The following DCBLD2 variants were observed in gnomAD, a reference collection of about 807,000 sequenced individuals.
The protein encoded by DCBLD2 is discoidin, CUB and LCCL domain-containing protein 2.
In DCBLD2, 54 loss-of-function variants were observed where a neutral mutation model predicts 86.8. That is an observed-to-expected ratio of 0.62 (90% CI 0.50 to 0.78). DCBLD2 has a LOEUF of 0.78. Among genes scored for constraint, DCBLD2 ranks in the 30% least tolerant of loss-of-function variants. The pLI, the probability that DCBLD2 is intolerant of heterozygous loss-of-function variation, is 0.00. For missense variants in DCBLD2, 908 were observed against 954.2 expected (o/e 0.95, Z 0.64); for synonymous variants, 354 against 341.3 (o/e 1.04, Z -0.41).
chr3:98,899,265 T>C (rs1186941101), intron 1 of DCBLD2, among the ~76,000 whole-genome samples: 11 of 147,256 alleles, frequency 7.5e-5, no homozygotes, highest in Non-Finnish European at 6.0e-5. Context: ...TTTTTCTTTT[T>C]TTTTTTTTTT....
At chr3:98,884,242 T>C (rs1181404186) in intron 1 of DCBLD2, among the ~76,000 whole-genome samples, 1 of 152,090 alleles carries the variant, frequency 6.6e-6, no homozygotes, top group African/African-American at 2.4e-5. Flanking sequence ...ACATTAAATT[T>C]TAGCTATCTT....
In DCBLD2 at chr3:98,901,298, C is replaced by G. The variant is rs745812407; in HGVS notation, c.29G>C (p.Arg10Thr). 6.7e-7 allele frequency: 1 copy of G among 1,498,012 alleles called. No homozygotes were observed. Among genetic ancestry groups the G allele is most frequent in the Non-Finnish European group, 8.8e-7 (1 of 1,131,080 alleles). The allele number at this position is 1,498,012 out of a possible 1,614,324, so 92.8% of individuals were successfully genotyped here. A position where few individuals can be genotyped will look rare whatever the true frequency, so the allele number is the denominator to read the frequency against. ...GACTTGGGGACACTGCGGGCAGCGCCTGGCTCTCACCACCGCCCGGCTCGC... is the reference window on the plus strand; with the variant it reads ...GACTTGGGGACACTGCGGGCAGCGCGTGGCTCTCACCACCGCCCGGCTCGC... Reference protein sequence around the residue: MASRAVVRARRCPQCPQVRA... With the variant: MASRAVVRATRCPQCPQVRA... Residue 10 changes from arginine to threonine, a missense_variant, in exon 1 of 16, where the codon AGG becomes ACG. Coordinates refer to ENST00000326840, the MANE Select transcript of DCBLD2 (RefSeq NM_080927.4).
At chr3:98,837,922 AC>A (rs1215838361) in intron 3 of DCBLD2, among the ~76,000 whole-genome samples, 9 of 45,116 alleles carry the variant, frequency 2.0e-4, no homozygotes, top group African/African-American at 5.6e-4. Flanking sequence ...GGGGGTGCTG[AC>A]CCCCCCATCT....
intron 2 of DCBLD2, among the ~76,000 whole-genome samples, chr3:98,870,789 G>GAAAGAAAGAA (rs1553731711): frequency 3.2e-4 from 48 of 150,994 alleles, no homozygotes; most frequent in Admixed American, 1.5e-3. Context: ...AAGAAAGAAA[G>GAAAGAAAGAA]AAAGAAAGAA....
At position 98,812,418 on chromosome 3, in the gene DCBLD2, G is replaced by A. The variant is rs977581038; in HGVS notation, c.1277C>T (p.Ala426Val). The A allele has an allele frequency of 1.2e-6, 2 of 1,613,182 alleles. No homozygotes were observed. The highest frequency in any genetic ancestry group is 1.7e-6 in the Non-Finnish European group (2 of 1,179,562). The change falls in exon 10 of 16, where the codon GCA becomes GTA. Residue 426 changes from alanine (A) to valine (V), a missense_variant. Ala to Val is a moderately conservative substitution (Grantham distance 64). Coordinates refer to ENST00000326840, the MANE Select transcript of DCBLD2 (RefSeq NM_080927.4). ...GGTAGGATTCACTCTAATAAAACGT[G>A]CAATAATTGGTGGCAAAAAGTTATT... The part of the protein sequence containing the change: ...VRNNFLPPII[A>V]RFIRVNPTQW...
rs1434169611 is a variant in DCBLD2 at position 98,838,795 on chromosome 3, G to C, written c.571+10666C>G. On this transcript the variant is annotated intron_variant, in intron 3 of 15. Coordinates refer to ENST00000326840, the MANE Select transcript of DCBLD2 (RefSeq NM_080927.4). ...TGAACGAGACTCCGTCTGCAATCCC[G>C]GCACCTCGGGAGGCTGAGGTTGGCG... is the stretch of plus-strand genomic sequence containing the variant. Among the ~76,000 whole-genome samples, 4 of 152,090 alleles carry C rather than the reference G, an allele frequency of 2.6e-5. No homozygotes were observed. In the East Asian group the frequency reaches 7.7e-4, roughly 29 times the overall value.
At chr3:98,801,929 C>G in intron 13 of DCBLD2, 1 of 281,132 alleles carries the variant, frequency 3.6e-6, no homozygotes, top group Non-Finnish European at 6.7e-6. Flanking sequence ...TGTATATGTG[C>G]CACATTTTCT....
At chr3:98,810,543 TGACAC>T (rs1219238927) in intron 12 of DCBLD2, among the ~76,000 whole-genome samples, 1 of 152,216 alleles carries the variant, frequency 6.6e-6, no homozygotes, top group Admixed American at 6.5e-5. Context: ...ACTATGACAC[TGACAC>T]TTTTTTGAAT....
chr3:98,828,405 A>G (rs1200874297), intron 3 of DCBLD2, among the ~76,000 whole-genome samples: 2 of 152,218 alleles, frequency 1.3e-5, no homozygotes, highest in East Asian at 3.8e-4. Flanking sequence ...ATGGATATGA[A>G]CAGACATTTC....
At chr3:98,887,136 C>T (rs1195546758) in intron 1 of DCBLD2, among the ~76,000 whole-genome samples, 2 of 151,416 alleles carry the variant, frequency 1.3e-5, no homozygotes, top group African/African-American at 4.8e-5. Context: ...TACACTTGCA[C>T]AAATATGCCA....
At chr3:98,895,093 C>T (rs1943729397) in intron 1 of DCBLD2, 1 of 151,746 alleles carries the variant, frequency 6.6e-6, no homozygotes, top group African/African-American at 2.4e-5. Flanking sequence ...GGGAACAAGG[C>T]AAAATGGCAT....
chr3:98,899,649 A>C lies in DCBLD2; in HGVS notation c.205+1473T>G, dbSNP rs567288594. ...GATTTTTTTTAATAACATGATACAAACACTATCAGATCCAGAAACAAGCAA... is the reference window on the plus strand; with the variant it reads ...GATTTTTTTTAATAACATGATACAACCACTATCAGATCCAGAAACAAGCAA... On this transcript the variant is annotated intron_variant, in intron 1 of 15. Transcript: ENST00000326840. Among the ~76,000 whole-genome samples, 6 of 152,266 alleles carry C rather than the reference A, an allele frequency of 3.9e-5. No homozygotes were observed. In the South Asian group the frequency reaches 1.2e-3, roughly 32 times the overall value.
chr3:98,825,666 TATATA>T, intron 3 of DCBLD2, among the ~76,000 whole-genome samples: 1 of 133,758 alleles, frequency 7.5e-6, no homozygotes, highest in African/African-American at 2.7e-5. Context: ...TATATATATA[TATATA>T]TATATATATT....
Position 98,799,487 on chromosome 3 carries a change from C to A in DCBLD2, c.2213G>T (p.Gly738Val). 6.2e-7 allele frequency: 1 copy of A among 1,614,002 alleles called. No homozygotes were observed. The highest frequency in any genetic ancestry group is 8.5e-7 in the Non-Finnish European group (1 of 1,179,882). The stretch of plus-strand genomic sequence containing the variant: ...GTCTGGGGCAGGTAGACCTGGCTTC[C>A]CAGCTTTCGGGGTATCATACTGGGC... The part of the protein sequence containing the change: ...AQAQYDTPKA[G>V]KPGLPAPDEL... The change falls in exon 16 of 16, where the codon GGG becomes GTG. Residue 738 changes from glycine to valine, a missense_variant. Around this residue, in one of 3 missense-constraint regions of DCBLD2, gnomAD observed 606 missense variants for 678.5 expected, o/e 0.89. Transcript: ENST00000326840.
In DCBLD2 at chr3:98,901,678, T is replaced by G. The variant is rs1482810029; in HGVS notation, c.-352A>C. 1.1e-5 allele frequency: 2 copies of G among 176,530 alleles called. No homozygotes were observed. Among genetic ancestry groups the G allele is most frequent in the Non-Finnish European group, 1.2e-5 (1 of 84,478 alleles). 10.9% of individuals were successfully genotyped at this position (176,530 alleles called of 1,614,324 possible). A position where few individuals can be genotyped will look rare whatever the true frequency, so the allele number is the denominator to read the frequency against. ...CGCCGCGCTCACCCGCGGCTCCGGC[T>G]AGCTGGCAGGCAGGCCCGCAGCCAG... On this transcript the variant is annotated 5_prime_UTR_variant, in exon 1 of 16. Transcript: ENST00000326840.
chr3:98,826,571 T>A (rs573247344), intron 3 of DCBLD2, among the ~76,000 whole-genome samples: 1 of 152,362 alleles, frequency 6.6e-6, no homozygotes, highest in Non-Finnish European at 1.5e-5. Flanking sequence ...TATGTAAGCC[T>A]GACTTGTTGG....
At position 98,901,616 on chromosome 3, in the gene DCBLD2, T is replaced by C; in HGVS notation, c.-290A>G. 1 of 246,738 alleles carries C rather than the reference T, an allele frequency of 4.1e-6. No individual in the cohort carries two copies. The highest frequency in any genetic ancestry group is 7.7e-6 in the Non-Finnish European group (1 of 129,852). 15.3% of individuals were successfully genotyped at this position (246,738 alleles called of 1,614,324 possible). ...ACGGCCGCGGCGGAGCTAAGGAACG[T>C]GCCTCCCGCGCCGCGCTCCTCACCA... On this transcript the variant is annotated 5_prime_UTR_variant, in exon 1 of 16. Coordinates refer to ENST00000326840, the MANE Select transcript of DCBLD2 (RefSeq NM_080927.4).
At chr3:98,892,800 T>C (rs940663534) in intron 1 of DCBLD2, among the ~76,000 whole-genome samples, 1 of 152,018 alleles carries the variant, frequency 6.6e-6, no homozygotes, top group Admixed American at 6.6e-5. Context: ...CCACCTCACA[T>C]CCAGACCTAT....
intron 15 of DCBLD2, among the ~76,000 whole-genome samples, chr3:98,800,063 A>G (rs188312422): frequency 1.3e-5 from 2 of 152,370 alleles, no homozygotes. Context: ...GTAATTTTGC[A>G]TATAGAATTT....
Sources: allele counts gnomAD v4.1 joint callset (sites outside exome capture counted in the v4.1 genomes callset), GRCh38; gene constraint gnomAD v4.1.1; regional missense constraint gnomAD v4.1.1; transcripts MANE v1.5; gene names NCBI Gene and HGNC (gene_info 2026-07-23, HGNC 2026-07-21).